Variants in DNA2 observed in about 807,000 individuals in gnomAD.
DNA2 encodes DNA replication ATP-dependent helicase/nuclease DNA2.
In DNA2, 101 loss-of-function variants were observed where a neutral mutation model predicts 119.1. The ratio of observed to expected loss-of-function variants is 0.85; its 90% CI spans 0.72 to 1.00. The LOEUF is 1.00. DNA2 is among the 50% of genes least tolerant of loss of function. The pLI is 0.00. For synonymous variants in DNA2, 366 were observed against 424.4 expected, an observed-to-expected ratio of 0.86 and a Z score of 1.69; for missense variants, 1,121 against 1,255.5, an observed-to-expected ratio of 0.89 and a Z score of 1.62.
At chr10:68,427,986 T>G (rs1415474340) in intron 14 of DNA2, among the ~76,000 whole-genome samples, 1 of 148,886 alleles carries the variant, frequency 6.7e-6, no homozygotes, top group Admixed American at 6.7e-5. Context: ...TGAGCTCAGA[T>G]CGCACCACTG....
At chr10:68,471,766 C>T in intron 1 of DNA2, 25 bp downstream of exon 1, 1 of 1,571,642 alleles carries the variant, frequency 6.4e-7, no homozygotes, top group East Asian at 2.3e-5. Context: ...GCTTTGTTCC[C>T]ACACCCTCCC....
chr10:68,465,209 G>A (rs1395100578), intron 4 of DNA2, among the ~76,000 whole-genome samples: 4 of 146,870 alleles, frequency 2.7e-5, no homozygotes, highest in Middle Eastern at 3.4e-3. Flanking sequence ...TAGTAGAGAC[G>A]GGGTTTCACC....
At chr10:68,467,643 C>T (rs898466237) in intron 3 of DNA2, among the ~76,000 whole-genome samples, 10 of 152,014 alleles carry the variant, frequency 6.6e-5, no homozygotes, top group Admixed American at 2.0e-4. Context: ...CTCCATCTCC[C>T]GGGTTTAAAC....
At chr10:68,450,775 G>A (rs79995146) in intron 5 of DNA2, among the ~76,000 whole-genome samples, 3,431 of 152,102 alleles carry the variant, frequency 0.023, 130 homozygotes, top group African/African-American at 0.078. Context: ...ATGTGGTTGC[G>A]CCCTAAGCAA....
At position 68,430,412 on chromosome 10, in the gene DNA2, T is replaced by G. The variant is rs1290218194; in HGVS notation, c.2208+24A>C. On this transcript the variant is annotated intron_variant, in intron 14 of 20. Coordinates refer to ENST00000358410, the MANE Select transcript of DNA2 (RefSeq NM_001080449.3). Reference sequence around the variant, plus strand: ...TGGCTGTGGACATTAACTGTTAGTATTATTATACAATAATTGTGCTTACTT... The same window carrying G: ...TGGCTGTGGACATTAACTGTTAGTAGTATTATACAATAATTGTGCTTACTT... 12 of 1,492,914 alleles carry G rather than the reference T, an allele frequency of 8.0e-6. No homozygotes were observed. The African/African-American group carries it at 1.5e-4, about 19-fold the overall frequency. The allele number at this position is 1,492,914 out of a possible 1,614,324, so 92.5% of individuals were successfully genotyped here. A position where few individuals can be genotyped will look rare whatever the true frequency, so the allele number is the denominator to read the frequency against.
chr10:68,460,867 A>G (rs1458476447), intron 4 of DNA2, among the ~76,000 whole-genome samples: 1 of 151,584 alleles, frequency 6.6e-6, no homozygotes, highest in Non-Finnish European at 1.5e-5. Flanking sequence ...CTGTGATCTC[A>G]CCACTGTACT....
At chr10:68,424,518 AAAC>A in intron 14 of DNA2, 4 of 670,496 alleles carry the variant, frequency 6.0e-6, no homozygotes, top group East Asian at 2.7e-5. Context: ...AAAAAAAAAA[AAAC>A]AAAACAGGCC....
chr10:68,459,384 G>A (rs1291867175), intron 4 of DNA2, 149 bp from the exon 5 acceptor site: 5 of 777,832 alleles, frequency 6.4e-6, no homozygotes, highest in Non-Finnish European at 9.8e-6. Flanking sequence ...CCAATAAATG[G>A]ATAAACAAAA....
chr10:68,416,791 A>C lies in DNA2; in HGVS notation c.3032T>G (p.Leu1011Arg), dbSNP rs368953963. ...TGAGGGCACACACCCCAGAAGAATC[A>C]GTTTATGTTTGGCTCTGGTTATAGC... The part of the protein sequence containing the change: ...NVAITRAKHK[L>R]ILLGCVPSLN... The change falls in exon 20 of 21, where the codon CTG (leucine) becomes CGG (arginine). Residue 1011 changes from leucine (L) to arginine (R), a missense_variant. Coordinates refer to ENST00000358410, the MANE Select transcript of DNA2 (RefSeq NM_001080449.3). 8 of 1,613,826 alleles carry C rather than the reference A, an allele frequency of 5.0e-6. No individual in the cohort carries two copies. The African/African-American group carries it at 1.1e-4, about 22-fold the overall frequency.
chr10:68,428,385 T>C (rs1355136823), intron 14 of DNA2, among the ~76,000 whole-genome samples: 2 of 151,790 alleles, frequency 1.3e-5, no homozygotes, highest in African/African-American at 4.9e-5. Flanking sequence ...ACACGTGAAA[T>C]GTTCCTGCTT....
At chr10:68,462,653 T>C (rs1167134508) in intron 4 of DNA2, among the ~76,000 whole-genome samples, 2 of 152,172 alleles carry the variant, frequency 1.3e-5, no homozygotes, top group Admixed American at 6.5e-5. Flanking sequence ...TCAGTTTGTA[T>C]ATAAAATCAC....
intron 5 of DNA2, among the ~76,000 whole-genome samples, chr10:68,457,396 T>G (rs2052198788): frequency 6.6e-6 from 1 of 152,186 alleles, no homozygotes; most frequent in Non-Finnish European, 1.5e-5. Flanking sequence ...CTACTTCATT[T>G]CCTTTAAGCT....
At chr10:68,434,463 C>T (rs527627100) in intron 10 of DNA2, among the ~76,000 whole-genome samples, 4 of 138,704 alleles carry the variant, frequency 2.9e-5, no homozygotes, top group South Asian at 2.4e-4. Flanking sequence ...GGCTGGGCAA[C>T]GTAGTGAGAC....
intron 5 of DNA2, among the ~76,000 whole-genome samples, chr10:68,451,470 C>T (rs1243236114): frequency 6.6e-6 from 1 of 152,112 alleles, no homozygotes. Flanking sequence ...ATTTTCAGAG[C>T]AGTTACGGTT....
chr10:68,432,170 A>G (rs1265504511), intron 12 of DNA2, 36 bp downstream of exon 12: 5 of 1,415,472 alleles, frequency 3.5e-6, no homozygotes, highest in Non-Finnish European at 4.9e-6. Context: ...GAAACAAGAA[A>G]AATTAATCAA....
chr10:68,459,390 C>T (rs2052227189), intron 4 of DNA2, among the ~76,000 whole-genome samples, 155 bp from the exon 5 acceptor site: 1 of 152,056 alleles, frequency 6.6e-6, no homozygotes, highest in Non-Finnish European at 1.5e-5. Flanking sequence ...AATGGATAAA[C>T]AAAATGTGGC....
chr10:68,472,090 T>C, upstream of DNA2: 1 of 1,557,330 alleles, frequency 6.4e-7, no homozygotes, highest in Admixed American at 1.9e-5. Context: ...CTTTGCTCCC[T>C]TGCTTAGGAC....
intron 19 of DNA2, among the ~76,000 whole-genome samples, chr10:68,417,409 A>AC (rs991907194): frequency 1.3e-5 from 2 of 151,030 alleles, no homozygotes; most frequent in East Asian, 1.9e-4. Context: ...AAAAAAAAAA[A>AC]AAACACTATT....
intron 4 of DNA2, among the ~76,000 whole-genome samples, chr10:68,462,802 T>C (rs2133439770): frequency 6.6e-6 from 1 of 152,266 alleles, no homozygotes; most frequent in Admixed American, 6.5e-5. Context: ...AATAGAACAA[T>C]GTATGTAAAG....
Sources: gnomAD v4.1 joint callset for allele counts (sites outside exome capture counted in the v4.1 genomes callset) on GRCh38, gnomAD v4.1.1 for gene constraint, MANE v1.5 for transcripts, NCBI Gene and HGNC (gene_info 2026-07-23, HGNC 2026-07-21) for gene names.